IMPDH1: variants seen among roughly 807,000 people sequenced by gnomAD.
IMPDH1 encodes the protein inosine monophosphate dehydrogenase 1, also known as inosine-5'-monophosphate dehydrogenase 1.
A neutral mutation model predicts 73.5 loss-of-function variants in IMPDH1; 41 were observed. The observed-to-expected ratio is 0.56, with a 90% CI of 0.43 to 0.72. IMPDH1 has a LOEUF of 0.72. Among genes scored for constraint, IMPDH1 ranks in the 30% least tolerant of loss-of-function variants. IMPDH1 has a pLI of 0.00. For synonymous variants in IMPDH1, 318 were observed against 334.3 expected (o/e 0.95, Z 0.53); for missense variants, 645 against 824.8 (o/e 0.78, Z 2.67).
chr7:128,400,019 A>G (rs1798202900), intron 9 of IMPDH1, 76 bp downstream of exon 9: 1 of 1,154,836 alleles, frequency 8.7e-7, no homozygotes. Context: ...GATAACCTGT[A>G]AGGCTGTGAA....
intron 5 of IMPDH1, among the ~76,000 whole-genome samples, chr7:128,401,439 G>C (rs551150320): frequency 1.3e-5 from 2 of 152,322 alleles, no homozygotes; most frequent in African/African-American, 4.8e-5. Context: ...GTAGAAGTCA[G>C]AGGGGCTGTC....
intron 3 of IMPDH1, 116 bp from the exon 4 acceptor site, chr7:128,405,981 G>C: frequency 3.5e-6 from 3 of 858,704 alleles, no homozygotes; most frequent in Admixed American, 6.3e-5. Flanking sequence ...GCCGCGGGCC[G>C]GGCGGGCCGG....
Position 128,396,725 on chromosome 7 carries a change from T to C in IMPDH1, c.1166-30A>G, listed in dbSNP as rs768298165. The C allele has an allele frequency of 6.6e-6, 10 of 1,523,168 alleles. No homozygotes were observed. In the East Asian group the frequency reaches 7.4e-5, roughly 11 times the overall value. 94.4% of individuals were successfully genotyped at this position (1,523,168 alleles called of 1,614,324 possible). ...GGGTGGGGATGGGGCAGAGGAACAA[T>C]GTGAGGATGGGATGCCCCTGCCTGC... is the stretch of plus-strand genomic sequence containing the variant. On this transcript the variant is annotated intron_variant, in intron 11 of 16. Transcript: ENST00000338791. The surrounding 1 kb of genome is among the most constrained non-coding windows in gnomAD (Gnocchi z 4.0).
At chr7:128,401,512 TAAG>T (rs1303010774) in intron 5 of IMPDH1, among the ~76,000 whole-genome samples, 1 of 151,688 alleles carries the variant, frequency 6.6e-6, no homozygotes, top group Non-Finnish European at 1.5e-5. Flanking sequence ...GAGGCACACT[TAAG>T]AAAGAAAAAG....
chr7:128,398,335 G>T lies in IMPDH1; in HGVS notation c.1074+79C>A. 8.7e-7 allele frequency: 1 copy of T among 1,155,828 alleles called. No homozygotes were observed. Among genetic ancestry groups the T allele is most frequent in the Non-Finnish European group, 1.3e-6 (1 of 770,998 alleles). 71.6% of individuals were successfully genotyped at this position (1,155,828 alleles called of 1,614,324 possible). On this transcript the variant is annotated intron_variant, in intron 10 of 16. Coordinates refer to ENST00000338791, the MANE Select transcript of IMPDH1 (RefSeq NM_000883.4). This position sits in a 1 kb window ranked among gnomAD's most constrained non-coding sequence, Gnocchi z 4.3. ...AGGGAGGGGCACAGGCTTAATCAGA[G>T]GTGAACCTGGGTCCTCATAAACCTC...
Position 128,397,808 on chromosome 7 carries a change from T to C in IMPDH1, c.1074+606A>G, listed in dbSNP as rs543579040. On this transcript the variant is annotated intron_variant, in intron 10 of 16. Transcript: ENST00000338791. ...ATGGAATACTGCATACTGGTGAGAATTGGGCTTCAAGTGTACCTAATACCC... is the reference window on the plus strand; with the variant it reads ...ATGGAATACTGCATACTGGTGAGAACTGGGCTTCAAGTGTACCTAATACCC... 3.9e-5 allele frequency among the ~76,000 whole-genome samples: 6 copies of C among 152,268 alleles called. No homozygotes were observed. The East Asian group carries it at 5.8e-4, about 15-fold the overall frequency.
At chr7:128,409,194 C>T in intron 3 of IMPDH1, 95 bp downstream of exon 3, 2 of 1,116,778 alleles carry the variant, frequency 1.8e-6, no homozygotes, top group Non-Finnish European at 2.7e-6. Context: ...CAGACCCCAG[C>T]ATGGGGGCCT....
chr7:128,396,889 G>T lies in IMPDH1; in HGVS notation c.1165+43C>A. ...GAAGGACAGAAAAGGGTTACTCATT[G>T]GAGGGGCAGGAGCAGGCGGGTGGGA... On this transcript the variant is annotated intron_variant, in intron 11 of 16. Transcript: ENST00000338791. This position sits in a 1 kb window ranked among gnomAD's most constrained non-coding sequence, Gnocchi z 4.0. The T allele has an allele frequency of 1.4e-6, 2 of 1,410,210 alleles. No homozygotes were observed. The highest frequency in any genetic ancestry group is 2.0e-6 in the Non-Finnish European group (2 of 994,428). 87.4% of individuals were successfully genotyped at this position (1,410,210 alleles called of 1,614,324 possible). A position where few individuals can be genotyped will look rare whatever the true frequency, so the allele number is the denominator to read the frequency against.
At chr7:128,409,052 A>G (rs953458967) in intron 3 of IMPDH1, among the ~76,000 whole-genome samples, 1 of 152,210 alleles carries the variant, frequency 6.6e-6, no homozygotes, top group Non-Finnish European at 1.5e-5. Flanking sequence ...AATCCTCTGG[A>G]CCGGAAGGAC....
intron 3 of IMPDH1, 129 bp downstream of exon 3, chr7:128,409,160 C>G: frequency 1.2e-6 from 1 of 824,252 alleles, no homozygotes. Context: ...CCCTACTCTT[C>G]CTCCAGTGTC....
Position 128,394,659 on chromosome 7 carries a change from C to T in IMPDH1, c.1551-60G>A. ...TGAAGCTCAGAGGACCCCACCCCAC[C>T]TCTTAAGGGCAAAAACGGGATACCG... On this transcript the variant is annotated intron_variant, in intron 14 of 16. Coordinates refer to ENST00000338791, the MANE Select transcript of IMPDH1 (RefSeq NM_000883.4). The surrounding 1 kb of genome is among the most constrained non-coding windows in gnomAD (Gnocchi z 5.5). The T allele has an allele frequency of 6.3e-7, 1 of 1,599,948 alleles. No homozygotes were observed. Among genetic ancestry groups the T allele is most frequent in the Non-Finnish European group, 8.5e-7 (1 of 1,172,282 alleles).
intron 4 of IMPDH1, among the ~76,000 whole-genome samples, chr7:128,404,324 G>A (rs1170475277): frequency 6.6e-6 from 1 of 152,154 alleles, no homozygotes; most frequent in Non-Finnish European, 1.5e-5. Flanking sequence ...AAATGGCCAG[G>A]ACGGGAAAGG....
chr7:128,397,161 T>TC, intron 10 of IMPDH1, 139 bp from the exon 11 acceptor site: 1 of 671,034 alleles, frequency 1.5e-6, no homozygotes, highest in African/African-American at 1.8e-5. Flanking sequence ...GTTTTTTTTT[T>TC]TTTTTTTCTG....
chr7:128,401,186 A>C, intron 5 of IMPDH1, 70 bp from the exon 6 acceptor site: 1 of 1,141,120 alleles, frequency 8.8e-7, no homozygotes, highest in Non-Finnish European at 1.3e-6. Flanking sequence ...GAGCTCCTAC[A>C]TGCACCGGCA....
At position 128,394,203 on chromosome 7, in the gene IMPDH1, C is replaced by T; in HGVS notation, c.1778+75G>A. On this transcript the variant is annotated intron_variant, in intron 16 of 16. Transcript: ENST00000338791. This position sits in a 1 kb window ranked among gnomAD's most constrained non-coding sequence, Gnocchi z 5.5. ...GTCCATGGGGTCCCTGGAACCTCAGCTTGACCTCAGAACCCTGGCCCCACC... is the reference window on the plus strand; with the variant it reads ...GTCCATGGGGTCCCTGGAACCTCAGTTTGACCTCAGAACCCTGGCCCCACC... 2 of 1,250,834 alleles carry T rather than the reference C, an allele frequency of 1.6e-6. No homozygotes were observed. Among genetic ancestry groups the T allele is most frequent in the Admixed American group, 1.7e-5 (1 of 58,944 alleles). The allele number at this position is 1,250,834 out of a possible 1,614,324, so 77.5% of individuals were successfully genotyped here.
chr7:128,397,818 A>G (rs907324959), intron 10 of IMPDH1, among the ~76,000 whole-genome samples: 17 of 152,256 alleles, frequency 1.1e-4, no homozygotes, highest in African/African-American at 3.6e-4. Context: ...TTGGGCTTCA[A>G]GTGTACCTAA....
In IMPDH1 at chr7:128,396,909, G is replaced by A. The variant is rs775627604; in HGVS notation, c.1165+23C>T. ...TCATTGGAGGGGCAGGAGCAGGCGG[G>A]TGGGAGGCGACCCCGCACTCACCGT... On this transcript the variant is annotated intron_variant, in intron 11 of 16. Coordinates refer to ENST00000338791, the MANE Select transcript of IMPDH1 (RefSeq NM_000883.4). This position sits in a 1 kb window ranked among gnomAD's most constrained non-coding sequence, Gnocchi z 4.0. 1 of 1,562,546 alleles carries A rather than the reference G, an allele frequency of 6.4e-7. No homozygotes were observed. The highest frequency in any genetic ancestry group is 8.8e-7 in the Non-Finnish European group (1 of 1,133,458).
At chr7:128,406,258 C>T (rs1344413630) in intron 3 of IMPDH1, among the ~76,000 whole-genome samples, 1 of 132,952 alleles carries the variant, frequency 7.5e-6, no homozygotes, top group African/African-American at 2.8e-5. Context: ...TACATCCAGC[C>T]ACCCAGGACC....
chr7:128,403,924 A>T (rs566742148), intron 4 of IMPDH1, among the ~76,000 whole-genome samples, 170 bp from the exon 5 acceptor site: 1 of 152,344 alleles, frequency 6.6e-6, no homozygotes, highest in South Asian at 2.1e-4. Flanking sequence ...CGTGCACCTC[A>T]CTAGAGTCTG....
Sources: gnomAD v4.1 joint callset for allele counts (sites outside exome capture counted in the v4.1 genomes callset) on GRCh38, gnomAD v4.1.1 for gene constraint, Gnocchi (gnomAD v3.1) non-coding constraint, MANE v1.5 for transcripts, NCBI Gene and HGNC (gene_info 2026-07-23, HGNC 2026-07-21) for gene names.